The following KAZN variants were observed in gnomAD, a reference collection of about 807,000 sequenced individuals.
KAZN encodes the protein kazrin, periplakin interacting protein.
Under a neutral mutation model 87.4 loss-of-function variants are expected in KAZN, and 40 were observed. That is an observed-to-expected ratio of 0.46 (90% CI 0.36 to 0.60). KAZN has a LOEUF of 0.60. KAZN is among the 20% of genes least tolerant of loss of function. The pLI, the probability that KAZN is intolerant of heterozygous loss-of-function variation, is 0.00. For synonymous variants in KAZN, 466 were observed against 458.3 expected, an observed-to-expected ratio of 1.02 and a Z score of -0.22; for missense variants, 898 against 1,073.9, an observed-to-expected ratio of 0.84 and a Z score of 2.29.
chr1:14,776,210 G>A (rs933770537), intron 1 of KAZN, among the ~76,000 whole-genome samples: 2 of 152,138 alleles, frequency 1.3e-5, no homozygotes, highest in Non-Finnish European at 2.9e-5. Context: ...CACCGTGTTG[G>A]CCAGGCTAGT....
At position 14,617,538 on chromosome 1, in the gene KAZN, G is replaced by A. The variant is rs375270096; in HGVS notation, c.226+18315G>A. ...AAAAAAGCCTTGGTATCTACGAAGC[G>A]CAGTAAAACAAGGTTTGCCTGTAGC... On this transcript the variant is annotated intron_variant, in intron 1 of 14. Transcript: ENST00000376030. Among the ~76,000 whole-genome samples the A allele has an allele frequency of 1.2e-4, 18 of 152,284 alleles. 1 individual carries two copies. The South Asian group carries it at 2.7e-3, about 23-fold the overall frequency.
At chr1:14,446,255 G>C (rs530552306) in intron 2 of KAZN, among the ~76,000 whole-genome samples, 1 of 151,962 alleles carries the variant, frequency 6.6e-6, no homozygotes, top group Non-Finnish European at 1.5e-5. Context: ...TTTGAGCAGG[G>C]GAATGACAGC....
intron 2 of KAZN, among the ~76,000 whole-genome samples, chr1:14,423,419 G>T (rs1367473451): frequency 6.6e-6 from 1 of 152,188 alleles, no homozygotes; most frequent in Non-Finnish European, 1.5e-5. Flanking sequence ...ATCTGTTAAT[G>T]TATTTTCTTG....
At chr1:14,157,828 A>C (rs1446920587) in intron 1 of KAZN, among the ~76,000 whole-genome samples, 1 of 152,188 alleles carries the variant, frequency 6.6e-6, no homozygotes, top group Non-Finnish European at 1.5e-5. Flanking sequence ...GCTTACAATC[A>C]TGGAGGAAGG....
intron 1 of KAZN, among the ~76,000 whole-genome samples, chr1:14,816,531 G>A (rs993687101): frequency 1.2e-4 from 18 of 152,124 alleles, no homozygotes; most frequent in Admixed American, 3.3e-4. Flanking sequence ...CAACATGGCC[G>A]CGGACTTCAT....
At chr1:14,387,604 G>T (rs1361019045) in intron 2 of KAZN, among the ~76,000 whole-genome samples, 6 of 152,178 alleles carry the variant, frequency 3.9e-5, no homozygotes, top group Non-Finnish European at 5.9e-5. Context: ...TGCTTGGGGG[G>T]TGCCTCCCAG....
intron 1 of KAZN, among the ~76,000 whole-genome samples, chr1:13,977,144 A>G (rs1178124617): frequency 1.3e-5 from 2 of 152,212 alleles, no homozygotes; most frequent in Non-Finnish European, 2.9e-5. Flanking sequence ...AAGAGAGCTT[A>G]GTCTACAGGG....
chr1:14,374,369 T>A (rs1660734395), intron 2 of KAZN, among the ~76,000 whole-genome samples: 2 of 152,226 alleles, frequency 1.3e-5, no homozygotes, highest in African/African-American at 4.8e-5. Flanking sequence ...GTTTGGGGGA[T>A]CAAGTCTCAA....
chr1:14,855,382 G>A (rs1247158821), intron 1 of KAZN, among the ~76,000 whole-genome samples: 1 of 151,968 alleles, frequency 6.6e-6, no homozygotes, highest in Non-Finnish European at 1.5e-5. Flanking sequence ...TCATTTTTTT[G>A]TTAACACCAC....
chr1:14,336,724 T>G (rs1337130999), intron 2 of KAZN, among the ~76,000 whole-genome samples: 1 of 152,244 alleles, frequency 6.6e-6, no homozygotes, highest in African/African-American at 2.4e-5. Flanking sequence ...TGACTATCTT[T>G]TATGTGCTTT....
intron 1 of KAZN, among the ~76,000 whole-genome samples, chr1:14,678,651 TGATGCAGGGC>T (rs1640387293): frequency 6.6e-6 from 1 of 152,224 alleles, no homozygotes; most frequent in Non-Finnish European, 1.5e-5. Flanking sequence ...ATGGGCTGTT[TGATGCAGGGC>T]GAGCCCCTTC....
intron 2 of KAZN, among the ~76,000 whole-genome samples, chr1:14,430,227 A>AC (rs1217421626): frequency 3.3e-5 from 5 of 152,076 alleles, no homozygotes; most frequent in African/African-American, 1.2e-4. Flanking sequence ...AAAAAAAAAA[A>AC]AAAACTCTTT....
At chr1:14,194,707 A>G (rs577806168) in intron 2 of KAZN, among the ~76,000 whole-genome samples, 3 of 152,190 alleles carry the variant, frequency 2.0e-5, no homozygotes, top group African/African-American at 4.8e-5. Flanking sequence ...GTGGAGCAGC[A>G]TGAGAGTATT....
intron 2 of KAZN, among the ~76,000 whole-genome samples, chr1:14,530,881 T>C (rs1470874507): frequency 2.0e-5 from 3 of 152,108 alleles, no homozygotes; most frequent in Non-Finnish European, 2.9e-5. Flanking sequence ...ACCCAGGAAT[T>C]TGAGACTTGG....
At chr1:14,584,736 C>T (rs1368767566) in intron 2 of KAZN, among the ~76,000 whole-genome samples, 1 of 152,234 alleles carries the variant, frequency 6.6e-6, no homozygotes, top group East Asian at 1.9e-4. Context: ...CCTCTGCCTC[C>T]TGGGTTCAAG....
At chr1:13,939,010 T>C (rs1181268313) in intron 1 of KAZN, among the ~76,000 whole-genome samples, 1 of 152,238 alleles carries the variant, frequency 6.6e-6, no homozygotes, top group Non-Finnish European at 1.5e-5. Flanking sequence ...GGCCTCTGCC[T>C]TGTGATCTCC....
intron 2 of KAZN, among the ~76,000 whole-genome samples, chr1:15,029,737 AG>A (rs1431353580): frequency 6.6e-6 from 1 of 152,204 alleles, no homozygotes; most frequent in Admixed American, 6.5e-5. Context: ...GTAATGTAGG[AG>A]GCAATTCAGA....
intron 1 of KAZN, among the ~76,000 whole-genome samples, chr1:14,085,338 G>A (rs560906247): frequency 2.8e-4 from 43 of 152,206 alleles, no homozygotes; most frequent in Non-Finnish European, 5.0e-4. Flanking sequence ...TTGGACAAAC[G>A]TATGTAGTCT....
intron 1 of KAZN, among the ~76,000 whole-genome samples, chr1:14,917,870 CT>C (rs1279399440): frequency 5.0e-5 from 7 of 141,060 alleles, no homozygotes; most frequent in Middle Eastern, 3.5e-3. Context: ...TCCTTCCTTC[CT>C]TTCTTTCTTT....
Sources: gnomAD v4.1 joint callset for allele counts (sites outside exome capture counted in the v4.1 genomes callset) on GRCh38, gnomAD v4.1.1 for gene constraint, MANE v1.5 for transcripts, NCBI Gene and HGNC (gene_info 2026-07-23, HGNC 2026-07-21) for gene names.